Variants in SIK2 observed in about 807,000 individuals in gnomAD.
The protein encoded by SIK2 is salt inducible kinase 2.
Under a neutral mutation model 103.2 loss-of-function variants are expected in SIK2, and 29 were observed. The ratio of observed to expected loss-of-function variants is 0.28; its 90% CI spans 0.21 to 0.38. The LOEUF (loss-of-function observed/expected upper bound fraction) is 0.38, where lower values mean the gene tolerates loss of function less well. SIK2 is among the 10% of genes least tolerant of loss of function. The probability of loss-of-function intolerance (pLI) is 1.00; values close to 1 mark genes in which losing one functional copy is unlikely to be tolerated. For missense variants in SIK2, 879 were observed against 1,171.0 expected (o/e 0.75, Z 3.64); for synonymous variants, 412 against 446.1 (o/e 0.92, Z 0.96).
intron 4 of SIK2, among the ~76,000 whole-genome samples, chr11:111,692,694 T>A (rs17474471): frequency 0.029 from 4,362 of 152,294 alleles, 82 homozygotes; most frequent in Non-Finnish European, 0.04. Flanking sequence ...AAGGATCATC[T>A]TCTTATCTCT....
At chr11:111,645,682 G>C (rs1023115204) in intron 3 of SIK2, among the ~76,000 whole-genome samples, 5 of 152,116 alleles carry the variant, frequency 3.3e-5, no homozygotes, top group Admixed American at 6.5e-5. Context: ...AGGCATGGTG[G>C]CGCATGCCTG....
intron 3 of SIK2, among the ~76,000 whole-genome samples, chr11:111,644,224 G>T (rs1456059639): frequency 4.0e-5 from 6 of 150,568 alleles, no homozygotes; most frequent in Non-Finnish European, 7.4e-5. Context: ...AGGAGGCGGA[G>T]GTTGTGGTGA....
In SIK2 at chr11:111,622,341, C is replaced by T. The variant is rs540076611; in HGVS notation, c.316+1939C>T. ...CACGATCTCAGCTCACTGCAAGCTC[C>T]GCCTCCCAGGTTCACGCCATTCTCC... is the stretch of plus-strand genomic sequence containing the variant. On this transcript the variant is annotated intron_variant, in intron 3 of 14. Transcript: ENST00000304987. 6.7e-5 allele frequency among the ~76,000 whole-genome samples: 10 copies of T among 149,288 alleles called. 1 individual carries two copies. The highest frequency in any genetic ancestry group is 2.1e-4 in the South Asian group (1 of 4,672).
In SIK2 at chr11:111,630,714, G is replaced by A. The variant is rs118029234; in HGVS notation, c.316+10312G>A. Among the ~76,000 whole-genome samples, 1,011 of 152,256 alleles carry A rather than the reference G, an allele frequency of 6.6e-3. 8 individuals are homozygous for A. Among genetic ancestry groups the A allele is most frequent in the Middle Eastern group, 0.061 (18 of 294 alleles). On this transcript the variant is annotated intron_variant, in intron 3 of 14. Transcript: ENST00000304987. Reference sequence around the variant, plus strand: ...GTTTCTTTCCTGATTAGCCAAAGGAGCTTGGAATGAAGTGGGGGTATTTGG... The same window carrying A: ...GTTTCTTTCCTGATTAGCCAAAGGAACTTGGAATGAAGTGGGGGTATTTGG...
At chr11:111,698,580 A>G (rs1427668379) in intron 4 of SIK2, among the ~76,000 whole-genome samples, 1 of 152,220 alleles carries the variant, frequency 6.6e-6, no homozygotes, top group Non-Finnish European at 1.5e-5. Context: ...TGTCTCTACT[A>G]AAAATACAAA....
intron 1 of SIK2, among the ~76,000 whole-genome samples, chr11:111,609,553 C>T: frequency 6.6e-6 from 1 of 152,212 alleles, no homozygotes; most frequent in Non-Finnish European, 1.5e-5. Flanking sequence ...AACTCCTTGG[C>T]TCAAACAGCC....
chr11:111,679,893 G>A (rs187010130), intron 3 of SIK2, among the ~76,000 whole-genome samples: 5 of 152,258 alleles, frequency 3.3e-5, no homozygotes. Context: ...GGGAGGCCGA[G>A]GTGGGCGGAT....
intron 3 of SIK2, among the ~76,000 whole-genome samples, chr11:111,668,050 A>G (rs1222316450): frequency 6.6e-6 from 1 of 152,142 alleles, no homozygotes; most frequent in East Asian, 1.9e-4. Context: ...TCTTAGTGAG[A>G]TGATACTCTG....
chr11:111,657,487 T>C (rs1011390242), intron 3 of SIK2, among the ~76,000 whole-genome samples: 9 of 152,154 alleles, frequency 5.9e-5, no homozygotes, highest in African/African-American at 2.2e-4. Flanking sequence ...CCTCCCAGCC[T>C]CAAGCGATCC....
chr11:111,637,353 G>C (rs970514428), intron 3 of SIK2, among the ~76,000 whole-genome samples: 1 of 150,706 alleles, frequency 6.6e-6, no homozygotes, highest in Non-Finnish European at 1.5e-5. Context: ...TTGCCTAAAG[G>C]CTTTAAATTC....
In SIK2 at chr11:111,705,070, C is replaced by T. The variant is rs1208057956; in HGVS notation, c.1032C>T (p.Phe344=). The stretch of plus-strand genomic sequence containing the variant: ...GCCTGAAATCACATCGGAGCAGTTT[C>T]CCAGTGGAGCAGAGACTTGATGGCC... ...VERLKSHRSS[F]PVEQRLDGRQ... Residue 344 remains phenylalanine, a synonymous_variant, in exon 8 of 15, where the codon TTC becomes TTT. Transcript: ENST00000304987. This position sits in a 1 kb window ranked among gnomAD's most constrained non-coding sequence, Gnocchi z 4.3. 15 of 1,608,958 alleles carry T rather than the reference C, an allele frequency of 9.3e-6. No homozygotes were observed. The highest frequency in any genetic ancestry group is 1.2e-5 in the Non-Finnish European group (14 of 1,178,558).
At chr11:111,699,662 T>G (rs1179820419) in intron 4 of SIK2, among the ~76,000 whole-genome samples, 5 of 152,174 alleles carry the variant, frequency 3.3e-5, no homozygotes, top group Non-Finnish European at 7.3e-5. Context: ...TTGCCTCTAG[T>G]TTTTATGTTA....
chr11:111,640,850 T>G (rs1942173606), intron 3 of SIK2, among the ~76,000 whole-genome samples: 1 of 145,542 alleles, frequency 6.9e-6, no homozygotes, highest in Non-Finnish European at 1.5e-5. Context: ...TTCTTCTGCC[T>G]CAGCCTTCCG....
intron 3 of SIK2, among the ~76,000 whole-genome samples, chr11:111,635,485 C>CAGAGGGAG (rs111735553): frequency 9.4e-6 from 1 of 106,702 alleles, no homozygotes; most frequent in African/African-American, 3.8e-5. Flanking sequence ...GGAGAGAGGG[C>CAGAGGGAG]GGAGGGAGGG....
intron 3 of SIK2, among the ~76,000 whole-genome samples, chr11:111,637,456 CTTTTTTTT>C (rs558690499): frequency 1.9e-3 from 231 of 124,708 alleles, no homozygotes; most frequent in African/African-American, 6.7e-3. Context: ...TTTGTAATAT[CTTTTTTTT>C]TTTTTTTTTT....
At position 111,602,627 on chromosome 11, in the gene SIK2, A is replaced by T. The variant is rs1336269661; in HGVS notation, c.64A>T (p.Ile22Phe). ...GCCGGTCCGGGTGGGGTTCTACGAC[A>T]TCGAGGGCACGCTGGGCAAGGGCAA... ...RGPVRVGFYD[I>F]EGTLGKGNFA... Residue 22 changes from isoleucine (I) to phenylalanine (F), a missense_variant, in exon 1 of 15, where the codon ATC becomes TTC. Coordinates refer to ENST00000304987, the MANE Select transcript of SIK2 (RefSeq NM_015191.3). This position sits in a 1 kb window ranked among gnomAD's most constrained non-coding sequence, Gnocchi z 4.5. The T allele has an allele frequency of 1.3e-6, 2 of 1,534,638 alleles. No individual in the cohort carries two copies. Among genetic ancestry groups the T allele is most frequent in the Non-Finnish European group, 1.8e-6 (2 of 1,140,032 alleles).
Position 111,728,538 on chromosome 11 carries a change from C to A in SIK2, c.*4409C>A. ...TCCTGACCTCAGGTGACCCACCCAC[C>A]TTGGCCTCCCAAAGTACTGGGATTA... is the stretch of plus-strand genomic sequence containing the variant. On this transcript the variant is annotated 3_prime_UTR_variant, in exon 15 of 15. Coordinates refer to ENST00000304987, the MANE Select transcript of SIK2 (RefSeq NM_015191.3). 6.6e-6 allele frequency: 1 copy of A among 152,360 alleles called. No individual in the cohort carries two copies. 9.4% of individuals were successfully genotyped at this position (152,360 alleles called of 1,614,324 possible). A position where few individuals can be genotyped will look rare whatever the true frequency, so the allele number is the denominator to read the frequency against.
intron 3 of SIK2, among the ~76,000 whole-genome samples, chr11:111,674,649 A>T: frequency 6.6e-6 from 1 of 152,242 alleles, no homozygotes; most frequent in South Asian, 2.1e-4. Flanking sequence ...GTGTAGTGAA[A>T]ATGTTCAAAA....
chr11:111,711,275 C>T (rs1229435444), intron 8 of SIK2, among the ~76,000 whole-genome samples: 2 of 152,068 alleles, frequency 1.3e-5, no homozygotes, highest in African/African-American at 4.8e-5. Context: ...CCCGCCACCA[C>T]ACCCAGCTAA....
Sources: allele counts gnomAD v4.1 joint callset (sites outside exome capture counted in the v4.1 genomes callset), GRCh38; gene constraint gnomAD v4.1.1; non-coding constraint Gnocchi (gnomAD v3.1); transcripts MANE v1.5; gene names NCBI Gene and HGNC (gene_info 2026-07-23, HGNC 2026-07-21).